ZGLP1: variants seen among roughly 807,000 people sequenced by gnomAD.
The protein encoded by ZGLP1 is zinc finger GATA like protein 1.
A neutral mutation model predicts 21.4 loss-of-function variants in ZGLP1; 11 were observed. The observed-to-expected ratio is 0.51, with a 90% CI of 0.32 to 0.85. The LOEUF (loss-of-function observed/expected upper bound fraction) is 0.85, where lower values mean the gene tolerates loss of function less well. Ranked by LOEUF, ZGLP1 falls within the 40% of genes least tolerant of loss-of-function variation. The probability of loss-of-function intolerance (pLI) is 0.03; values close to 1 mark genes in which losing one functional copy is unlikely to be tolerated. For synonymous variants in ZGLP1, 148 were observed against 145.0 expected, an observed-to-expected ratio of 1.02 and a Z score of -0.15; for missense variants, 295 against 355.6, an observed-to-expected ratio of 0.83 and a Z score of 1.37.
At chr19:10,308,710 T>C in exon 1 of ZGLP1, 1 of 1,460,532 alleles carries the variant, frequency 6.8e-7, no homozygotes, top group Non-Finnish European at 9.1e-7. Context: ...GGTTTAAGAG[T>C]TGCAGTAATT....
chr19:10,304,919 G>A, exon 4 of ZGLP1: 1 of 612,706 alleles, frequency 1.6e-6, no homozygotes, highest in Non-Finnish European at 2.9e-6. Flanking sequence ...GTGACCCCTA[G>A]CAGGCTCTGC....
chr19:10,305,759 T>C lies in ZGLP1; in HGVS notation c.604+87A>G. 4 of 1,042,338 alleles carry C rather than the reference T, an allele frequency of 3.8e-6. No homozygotes were observed. Among genetic ancestry groups the C allele is most frequent in the Non-Finnish European group, 5.6e-6 (4 of 717,714 alleles). The allele number at this position is 1,042,338 out of a possible 1,614,324, so 64.6% of individuals were successfully genotyped here. ...GAGGGCTCTAAATGGGGAAGCAAGA[T>C]GGAGAAGGGGGGGGCAGGGAGAAAG... is the stretch of plus-strand genomic sequence containing the variant. On this transcript the variant is annotated intron_variant, in intron 2 of 3. Transcript: ENST00000403903. This position sits in a 1 kb window ranked among gnomAD's most constrained non-coding sequence, Gnocchi z 4.7.
At chr19:10,307,028 A>G (rs1057371510) in intron 1 of ZGLP1, among the ~76,000 whole-genome samples, 5 of 151,528 alleles carry the variant, frequency 3.3e-5, no homozygotes, top group Admixed American at 2.0e-4. Flanking sequence ...CAGCTACTCC[A>G]GAGGCTGAGG....
chr19:10,309,219 A>G (rs1185793025), exon 1 of ZGLP1: 1 of 152,582 alleles, frequency 6.6e-6, no homozygotes, highest in African/African-American at 2.4e-5. Context: ...CCTCTTTGTA[A>G]GTTTCAGTAA....
At position 10,305,221 on chromosome 19, in the gene ZGLP1, G is replaced by T. The variant is rs1270072711; in HGVS notation, c.699-13C>A. The stretch of plus-strand genomic sequence containing the variant: ...GTATTTCTTGTACCTAGGGTTGGGG[G>T]ACAAGAAACTGCCATTTAGGATGCA... On this transcript the variant is annotated splice_polypyrimidine_tract_variant and intron_variant, in intron 3 of 3. Coordinates refer to ENST00000403903, the Ensembl canonical transcript of ZGLP1. The surrounding 1 kb of genome is among the most constrained non-coding windows in gnomAD (Gnocchi z 4.7). 1 of 1,611,468 alleles carries T rather than the reference G, an allele frequency of 6.2e-7. No individual in the cohort carries two copies. The highest frequency in any genetic ancestry group is 8.5e-7 in the Non-Finnish European group (1 of 1,177,688).
At chr19:10,304,848 C>T (rs1176839808) in exon 4 of ZGLP1, 6 of 557,216 alleles carry the variant, frequency 1.1e-5, no homozygotes. Context: ...TAACAATGCT[C>T]ATCCTTCCTG....
exon 4 of ZGLP1, chr19:10,304,877 GC>G: frequency 1.7e-6 from 1 of 580,866 alleles, no homozygotes; most frequent in South Asian, 2.1e-5. Flanking sequence ...TCCTGAGGGG[GC>G]CTCGGCCAAG....
chr19:10,308,534 A>T, exon 1 of ZGLP1: 1 of 1,606,986 alleles, frequency 6.2e-7, no homozygotes, highest in Non-Finnish European at 8.5e-7. Flanking sequence ...GACTCCTGGC[A>T]TGCAGGCCAG....
chr19:10,305,851 G>T lies in ZGLP1; in HGVS notation c.599C>A (p.Ala200Asp), dbSNP rs182821025. Residue 200 changes from alanine to aspartate, a missense_variant, in exon 2 of 4, where the codon GCC becomes GAC. Ala to Asp is a moderately radical substitution (Grantham distance 126). Transcript: ENST00000403903. This position sits in a 1 kb window ranked among gnomAD's most constrained non-coding sequence, Gnocchi z 4.7. ...CTTGGGTTTTCAGGACTCACCCAGG[G>T]CCTCGCTGCCTGCTGAGTGGGCCTC... 172 of 1,553,638 alleles carry T rather than the reference G, an allele frequency of 1.1e-4. No homozygotes were observed. In the African/African-American group the frequency reaches 2.1e-3, roughly 19 times the overall value.
Position 10,305,541 on chromosome 19 carries a change from G to A in ZGLP1, c.605-58C>T, listed in dbSNP as rs1452956663. On this transcript the variant is annotated intron_variant, in intron 2 of 3. Coordinates refer to ENST00000403903, the Ensembl canonical transcript of ZGLP1. The surrounding 1 kb of genome is among the most constrained non-coding windows in gnomAD (Gnocchi z 4.7). ...GAGGCCAAGCATGTGAGCTCGGGAT[G>A]CCTGTGCGGAGTCGGGCATTTTGTG... 5 of 1,461,890 alleles carry A rather than the reference G, an allele frequency of 3.4e-6. No individual in the cohort carries two copies. Among genetic ancestry groups the A allele is most frequent in the Non-Finnish European group, 4.7e-6 (5 of 1,063,434 alleles). The allele number at this position is 1,461,890 out of a possible 1,614,324, so 90.6% of individuals were successfully genotyped here.
At position 10,305,998 on chromosome 19, in the gene ZGLP1, G is replaced by C. The variant is rs1037549395; in HGVS notation, c.498-46C>G. The C allele has an allele frequency of 3.0e-6, 4 of 1,350,732 alleles. No homozygotes were observed. Among genetic ancestry groups the C allele is most frequent in the Non-Finnish European group, 4.1e-6 (4 of 975,454 alleles). 83.7% of individuals were successfully genotyped at this position (1,350,732 alleles called of 1,614,324 possible). On this transcript the variant is annotated intron_variant, in intron 1 of 3. Transcript: ENST00000403903. The surrounding 1 kb of genome is among the most constrained non-coding windows in gnomAD (Gnocchi z 4.7). ...TAGCACTGGGGGGGATCTGTAGCTT[G>C]TCCCCAACAGCCCTCCGAAATGAAG...
intron 1 of ZGLP1, 151 bp downstream of exon 2, chr19:10,308,034 C>G (rs1330139903): frequency 9.0e-7 from 1 of 1,105,040 alleles, no homozygotes; most frequent in African/African-American, 1.5e-5. Flanking sequence ...GTATCTGGCA[C>G]CAGCTCAAGT....
intron 1 of ZGLP1, among the ~76,000 whole-genome samples, chr19:10,306,374 A>C (rs1284876666): frequency 6.6e-6 from 1 of 151,876 alleles, no homozygotes; most frequent in African/African-American, 2.4e-5. Flanking sequence ...CGGCCTCCCA[A>C]AGTGCAGGGA....
At chr19:10,306,674 G>A (rs1037045820) in intron 1 of ZGLP1, among the ~76,000 whole-genome samples, 2 of 152,054 alleles carry the variant, frequency 1.3e-5, no homozygotes, top group Non-Finnish European at 2.9e-5. Flanking sequence ...AAATAGCCAG[G>A]AGTGGTGGTA....
chr19:10,309,776 G>C (rs1157643980), exon 1 of ZGLP1: 1 of 152,284 alleles, frequency 6.6e-6, no homozygotes, highest in African/African-American at 2.4e-5. Context: ...GGAAATGGGG[G>C]CTCCCAGGCC....
exon 1 of ZGLP1, chr19:10,308,597 G>T: frequency 6.4e-7 from 1 of 1,569,490 alleles, no homozygotes; most frequent in South Asian, 1.2e-5. Context: ...TGACTCCTGG[G>T]TTTAGCCGGC....
intron 1 of ZGLP1, 119 bp downstream of exon 2, chr19:10,308,066 C>T: frequency 7.3e-7 from 1 of 1,375,478 alleles, no homozygotes; most frequent in African/African-American, 1.4e-5. Flanking sequence ...GACTGGGCCA[C>T]GTGTAACGTA....
intron 1 of ZGLP1, among the ~76,000 whole-genome samples, chr19:10,307,462 G>A (rs1213270347): frequency 1.3e-5 from 2 of 149,378 alleles, no homozygotes; most frequent in African/African-American, 4.9e-5. Flanking sequence ...CGATTCTCCT[G>A]CCTCAGCCTC....
At position 10,305,310 on chromosome 19, in the gene ZGLP1, G is replaced by A. The variant is rs956905596; in HGVS notation, c.698+80C>T. On this transcript the variant is annotated intron_variant, in intron 3 of 3. Transcript: ENST00000403903. The surrounding 1 kb of genome is among the most constrained non-coding windows in gnomAD (Gnocchi z 4.7). ...CCAAGAGGTAGGTGTTTTGCTTTTT[G>A]CTTTCCCCACAGGCCATCCTGGTTA... The A allele has an allele frequency of 2.6e-6, 4 of 1,548,726 alleles. No individual in the cohort carries two copies. In the African/African-American group the frequency reaches 4.1e-5, roughly 16 times the overall value.
Sources: gnomAD v4.1 joint callset for allele counts (sites outside exome capture counted in the v4.1 genomes callset) on GRCh38, gnomAD v4.1.1 for gene constraint, Gnocchi (gnomAD v3.1) non-coding constraint, MANE v1.5 for transcripts, NCBI Gene and HGNC (gene_info 2026-07-23, HGNC 2026-07-21) for gene names.